EVC: variants seen among roughly 807,000 people sequenced by gnomAD.
The protein encoded by EVC is evC complex member EVC.
Under a neutral mutation model 118.9 loss-of-function variants are expected in EVC, and 116 were observed. The observed-to-expected ratio is 0.98, with a 90% CI of 0.84 to 1.14. EVC has a LOEUF of 1.14. EVC is among the 50% of genes most tolerant of loss of function. The probability of loss-of-function intolerance (pLI) is 0.00; values close to 1 mark genes in which losing one functional copy is unlikely to be tolerated. For synonymous variants in EVC, 619 were observed against 534.7 expected (o/e 1.16, Z -2.18); for missense variants, 1,401 against 1,246.4 (o/e 1.12, Z -1.87).
downstream of EVC, among the ~76,000 whole-genome samples, chr4:5,818,690 T>A (rs1261995784): frequency 6.6e-6 from 1 of 152,196 alleles, no homozygotes; most frequent in Non-Finnish European, 1.5e-5. Context: ...TGTGATGCCC[T>A]GCACTGCCTT....
intron 11 of EVC, among the ~76,000 whole-genome samples, chr4:5,768,772 G>C (rs538137277): frequency 6.6e-6 from 1 of 151,892 alleles, no homozygotes; most frequent in South Asian, 2.1e-4. Flanking sequence ...CATGAGAATC[G>C]CTTGAACCCA....
chr4:5,760,851 C>A (rs573738303), intron 11 of EVC, among the ~76,000 whole-genome samples: 1 of 152,186 alleles, frequency 6.6e-6, no homozygotes, highest in African/African-American at 2.4e-5. Context: ...CGCTCCCGGC[C>A]TGGCCCAAGG....
rs749501365 is a variant in EVC at position 5,811,405 on chromosome 4, A to C, written c.*368A>C. ...CTGGCCCAAAGGCCTGTCTGGGCCC[A>C]TCTGGGGCTGAGGACACACAGATAC... On this transcript the variant is annotated 3_prime_UTR_variant, in exon 21 of 21. Coordinates refer to ENST00000264956, the MANE Select transcript of EVC (RefSeq NM_153717.3). 10 of 322,996 alleles carry C rather than the reference A, an allele frequency of 3.1e-5. No individual in the cohort carries two copies. Among genetic ancestry groups the C allele is most frequent in the Non-Finnish European group, 4.7e-5 (8 of 169,156 alleles). 20.0% of individuals were successfully genotyped at this position (322,996 alleles called of 1,614,324 possible). A position where few individuals can be genotyped will look rare whatever the true frequency, so the allele number is the denominator to read the frequency against.
At chr4:5,760,558 GTT>G (rs1416450040) in intron 11 of EVC, among the ~76,000 whole-genome samples, 3 of 152,120 alleles carry the variant, frequency 2.0e-5, no homozygotes, top group African/African-American at 7.2e-5. Flanking sequence ...TTTGTTTTTT[GTT>G]TTTTGTTTTC....
intron 11 of EVC, among the ~76,000 whole-genome samples, chr4:5,770,063 G>A (rs1015654062): frequency 1.4e-4 from 21 of 152,090 alleles, no homozygotes; most frequent in East Asian, 9.7e-4. Context: ...CATAGGGCTC[G>A]AGGGGGGCTC....
At chr4:5,809,688 C>T in intron 19 of EVC, 77 bp downstream of exon 19, 2 of 1,288,858 alleles carry the variant, frequency 1.6e-6, no homozygotes, top group East Asian at 2.4e-5. Context: ...ACACTGGCCA[C>T]TAACTAGCTG....
At chr4:5,776,480 G>A (rs1415259104) in intron 11 of EVC, among the ~76,000 whole-genome samples, 1 of 152,108 alleles carries the variant, frequency 6.6e-6, no homozygotes, top group Non-Finnish European at 1.5e-5. Context: ...GTGTAAACTT[G>A]TGCAACTGAT....
In EVC at chr4:5,798,168, C is replaced by T. The variant is rs948885421; in HGVS notation, c.2098-418C>T. On this transcript the variant is annotated intron_variant, in intron 14 of 20. Coordinates refer to ENST00000264956, the MANE Select transcript of EVC (RefSeq NM_153717.3). This position sits in a 1 kb window ranked among gnomAD's most constrained non-coding sequence, Gnocchi z 4.1. ...AGTCCTCAGAGCCCTGTGTGCCCTG[C>T]CTCAGCTTCTGTGATATCCTGAGAC... Among the ~76,000 whole-genome samples, 1 of 152,202 alleles carries T rather than the reference C, an allele frequency of 6.6e-6. No homozygotes were observed. The highest frequency in any genetic ancestry group is 2.4e-5 in the African/African-American group (1 of 41,448).
At chr4:5,780,742 G>T (rs1735473725) in intron 11 of EVC, among the ~76,000 whole-genome samples, 1 of 152,136 alleles carries the variant, frequency 6.6e-6, no homozygotes, top group African/African-American at 2.4e-5. Context: ...CCTCTTCTGG[G>T]GTCCGTAAGA....
At position 5,756,002 on chromosome 4, in the gene EVC, A is replaced by C. The variant is rs886680503; in HGVS notation, c.1465-262A>C. On this transcript the variant is annotated intron_variant, in intron 10 of 20. Transcript: ENST00000264956. This position sits in a 1 kb window ranked among gnomAD's most constrained non-coding sequence, Gnocchi z 4.2. ...GCAGCCAGGACAGAGGAGTGACAGA[A>C]GTGGTCCAGTGGCCCCTCCTCATCC... 1.3e-5 allele frequency among the ~76,000 whole-genome samples: 2 copies of C among 152,146 alleles called. No individual in the cohort carries two copies. Among genetic ancestry groups the C allele is most frequent in the Non-Finnish European group, 2.9e-5 (2 of 68,026 alleles).
At chr4:5,718,772 G>C (rs749241353) in intron 1 of EVC, among the ~76,000 whole-genome samples, 7 of 152,158 alleles carry the variant, frequency 4.6e-5, no homozygotes, top group Non-Finnish European at 1.0e-4. Context: ...ATTCATTGTA[G>C]TTCAGAATAG....
chr4:5,767,726 C>G (rs1352024694), intron 11 of EVC, among the ~76,000 whole-genome samples: 1 of 152,198 alleles, frequency 6.6e-6, no homozygotes, highest in Non-Finnish European at 1.5e-5. Flanking sequence ...CCTTGCGCTT[C>G]CCAAGTGAGG....
rs191499743 is a variant in EVC at position 5,722,285 on chromosome 4, A to C, written c.300+2912A>C. 1.3e-4 allele frequency among the ~76,000 whole-genome samples: 20 copies of C among 152,266 alleles called. No homozygotes were observed. The East Asian group carries it at 3.7e-3, about 28-fold the overall frequency. On this transcript the variant is annotated intron_variant, in intron 2 of 20. Transcript: ENST00000264956. ...ACCTAAATATTTCTACCCCGCTGTA[A>C]GGTTATTTTTTTCTGCCTAGTAATG... is the stretch of plus-strand genomic sequence containing the variant.
chr4:5,794,560 AC>A (rs1713589877), intron 13 of EVC, among the ~76,000 whole-genome samples: 1 of 150,390 alleles, frequency 6.6e-6, no homozygotes, highest in East Asian at 2.0e-4. Flanking sequence ...ACAGGTGCCC[AC>A]CATCATGCCT....
intron 12 of EVC, among the ~76,000 whole-genome samples, chr4:5,790,153 C>T (rs533298844): frequency 2.1e-3 from 279 of 134,264 alleles, no homozygotes; most frequent in African/African-American, 7.5e-3. Flanking sequence ...CTCACTCCAG[C>T]CTGGGTGACA....
Position 5,767,229 on chromosome 4 carries a change from G to C in EVC, c.1563+10867G>C, listed in dbSNP as rs181129438. Among the ~76,000 whole-genome samples the C allele has an allele frequency of 4.6e-5, 7 of 152,182 alleles. No individual in the cohort carries two copies. The East Asian group carries it at 1.2e-3, about 25-fold the overall frequency. On this transcript the variant is annotated intron_variant, in intron 11 of 20. Coordinates refer to ENST00000264956, the MANE Select transcript of EVC (RefSeq NM_153717.3). ...GGCTCCTCGGGGGCCAGGGTTCAGG[G>C]ACCCACTTGAGGAAGCAGTCTGCCT...
chr4:5,771,484 C>T (rs748270049), intron 11 of EVC, among the ~76,000 whole-genome samples: 8 of 152,144 alleles, frequency 5.3e-5, no homozygotes, highest in Admixed American at 2.0e-4. Flanking sequence ...GTCCCACCTG[C>T]GAAGTCTCTT....
rs187530011 is a variant in EVC at position 5,786,689 on chromosome 4, T to C, written c.1776+2925T>C. On this transcript the variant is annotated intron_variant, in intron 12 of 20. Transcript: ENST00000264956. The stretch of plus-strand genomic sequence containing the variant: ...GAGATCGAGACCATCCTGGCTAACA[T>C]GGTGAAACCCCGTCTCTACTAAAAA... 4.0e-4 allele frequency among the ~76,000 whole-genome samples: 61 copies of C among 152,214 alleles called. No homozygotes were observed. In the East Asian group the frequency reaches 4.1e-3, roughly 10 times the overall value.
rs1425513399 is a variant in EVC at position 5,711,405 on chromosome 4, A to C, written c.25A>C (p.Lys9Gln). The C allele has an allele frequency of 9.8e-7, 1 of 1,020,574 alleles. No individual in the cohort carries two copies. Among genetic ancestry groups the C allele is most frequent in the Non-Finnish European group, 1.2e-6 (1 of 856,176 alleles). The allele number at this position is 1,020,574 out of a possible 1,614,324, so 63.2% of individuals were successfully genotyped here. Reference sequence around the variant, plus strand: ...GATGGCCCGCGGCGGGGCGGCCTGCAAGAGCGACGCGCGGCTGCTGCTGGG... The same window carrying C: ...GATGGCCCGCGGCGGGGCGGCCTGCCAGAGCGACGCGCGGCTGCTGCTGGG... MARGGAAC[K>Q]SDARLLLGRD... The change falls in exon 1 of 21, where the codon AAG becomes CAG. Residue 9 changes from lysine (K) to glutamine (Q), a missense_variant. By Grantham distance (53) the Lys-to-Gln change is moderately conservative (BLOSUM62 1). Coordinates refer to ENST00000264956, the MANE Select transcript of EVC (RefSeq NM_153717.3).
Sources: gnomAD v4.1 joint callset for allele counts (sites outside exome capture counted in the v4.1 genomes callset) on GRCh38, gnomAD v4.1.1 for gene constraint, Gnocchi (gnomAD v3.1) non-coding constraint, MANE v1.5 for transcripts, NCBI Gene and HGNC (gene_info 2026-07-23, HGNC 2026-07-21) for gene names.